Variants in STOX2 observed in about 807,000 individuals in gnomAD.
The protein encoded by STOX2 is storkhead box 2, also known as storkhead-box protein 2.
Under a neutral mutation model 60.9 loss-of-function variants are expected in STOX2, and 28 were observed. The observed-to-expected ratio is 0.46, with a 90% CI of 0.34 to 0.63. The LOEUF is 0.63. Ranked by LOEUF, STOX2 falls within the 30% of genes least tolerant of loss-of-function variation. The pLI is 0.01. For missense variants in STOX2, 1,024 were observed against 1,187.7 expected (o/e 0.86, Z 2.03); for synonymous variants, 472 against 463.9 (o/e 1.02, Z -0.22).
At chr4:183,967,230 T>C (rs1298560813) in intron 1 of STOX2, among the ~76,000 whole-genome samples, 1 of 151,854 alleles carries the variant, frequency 6.6e-6, no homozygotes, top group Non-Finnish European at 1.5e-5. Flanking sequence ...GGTGTGGTGG[T>C]GCATGCCTGT....
intron 1 of STOX2, among the ~76,000 whole-genome samples, chr4:183,999,381 A>G (rs1022651691): frequency 6.6e-6 from 1 of 152,198 alleles, no homozygotes; most frequent in African/African-American, 2.4e-5. Context: ...CCTATGACCC[A>G]TAGGCCCCAG....
Position 183,906,643 on chromosome 4 carries a change from C to G in STOX2, c.-148C>G, listed in dbSNP as rs1172780747. 2.3e-6 allele frequency: 2 copies of G among 888,592 alleles called. No homozygotes were observed. The highest frequency in any genetic ancestry group is 1.9e-5 in the South Asian group (1 of 53,988). 55.0% of individuals were successfully genotyped at this position (888,592 alleles called of 1,614,324 possible). A position where few individuals can be genotyped will look rare whatever the true frequency, so the allele number is the denominator to read the frequency against. Reference sequence around the variant, plus strand: ...GGGGCGTGGGGAGGGCCGGACCCGCCGCTGGCGGTGTAGACGCCGACGAGG... The same window carrying G: ...GGGGCGTGGGGAGGGCCGGACCCGCGGCTGGCGGTGTAGACGCCGACGAGG... On this transcript the variant is annotated 5_prime_UTR_variant, in exon 1 of 4. Transcript: ENST00000308497.
chr4:183,878,605 G>C (rs1005915717), intron 1 of STOX2, among the ~76,000 whole-genome samples: 1 of 152,146 alleles, frequency 6.6e-6, no homozygotes, highest in African/African-American at 2.4e-5. Context: ...AATCTAAAAA[G>C]CATGTTCATT....
At chr4:183,800,370 C>A (rs28697891) in intron 1 of STOX2, among the ~76,000 whole-genome samples, 3,978 of 152,234 alleles carry the variant, frequency 0.026, 150 homozygotes, top group African/African-American at 0.084. Flanking sequence ...CTCTGAAAAG[C>A]GTGATGTTAT....
intron 1 of STOX2, among the ~76,000 whole-genome samples, chr4:183,802,995 T>A (rs1281205097): frequency 6.6e-6 from 1 of 152,190 alleles, no homozygotes; most frequent in Non-Finnish European, 1.5e-5. Context: ...AGAAGTTTAA[T>A]GGAGAACTCA....
chr4:183,843,644 A>C (rs987507598), intron 1 of STOX2, among the ~76,000 whole-genome samples: 6 of 152,252 alleles, frequency 3.9e-5, no homozygotes, highest in African/African-American at 1.4e-4. Context: ...AGCTCTGTGC[A>C]TGCCAAAATT....
chr4:183,998,488 C>T (rs1025565751), intron 1 of STOX2, among the ~76,000 whole-genome samples: 2 of 152,206 alleles, frequency 1.3e-5, no homozygotes, highest in African/African-American at 2.4e-5. Flanking sequence ...AACTTCCCAA[C>T]TCCCACCTCT....
intron 1 of STOX2, among the ~76,000 whole-genome samples, chr4:183,964,807 C>T (rs991907004): frequency 6.6e-6 from 1 of 152,172 alleles, no homozygotes; most frequent in African/African-American, 2.4e-5. Flanking sequence ...TGGTCTCAAA[C>T]TCCCGACCCT....
At chr4:183,885,679 T>A (rs918530376) in intron 1 of STOX2, among the ~76,000 whole-genome samples, 17 of 152,336 alleles carry the variant, frequency 1.1e-4, no homozygotes, top group Admixed American at 1.1e-3. Flanking sequence ...CGATAGTCCA[T>A]TCATCCAAGG....
chr4:183,826,754 A>G (rs891114641), intron 1 of STOX2, among the ~76,000 whole-genome samples: 1 of 152,220 alleles, frequency 6.6e-6, no homozygotes, highest in African/African-American at 2.4e-5. Context: ...ATGTGTTTGG[A>G]CAAATGCTAT....
chr4:183,964,862 G>A (rs1743517211), intron 1 of STOX2, among the ~76,000 whole-genome samples: 1 of 152,230 alleles, frequency 6.6e-6, no homozygotes, highest in Non-Finnish European at 1.5e-5. Flanking sequence ...GGGATTACAG[G>A]CATGAGCCAC....
intron 1 of STOX2, among the ~76,000 whole-genome samples, chr4:183,845,820 T>C (rs147116762): frequency 2.4e-4 from 36 of 152,354 alleles, no homozygotes; most frequent in African/African-American, 7.5e-4. Flanking sequence ...GTTTTAAATC[T>C]TACAGAAAAA....
chr4:183,878,257 G>T (rs755639867), intron 1 of STOX2, among the ~76,000 whole-genome samples: 1 of 152,098 alleles, frequency 6.6e-6, no homozygotes, highest in Non-Finnish European at 1.5e-5. Context: ...GAACCTGCCT[G>T]GTAAAGGTGC....
In STOX2 at chr4:184,019,623, T is replaced by C. The variant is rs1029726354; in HGVS notation, c.*2339T>C. On this transcript the variant is annotated 3_prime_UTR_variant, in exon 4 of 4. Transcript: ENST00000308497. ...CAAGATATAGGTTTACAGAAGACAT[T>C]ATTCAAATAAATATGTACACTATTT... The C allele has an allele frequency of 6.6e-6, 1 of 152,242 alleles. No homozygotes were observed. Among genetic ancestry groups the C allele is most frequent in the African/African-American group, 2.4e-5 (1 of 41,472 alleles). The allele number at this position is 152,242 out of a possible 1,614,324, so 9.4% of individuals were successfully genotyped here.
In STOX2 at chr4:184,019,373, A is replaced by T. The variant is rs1240521771; in HGVS notation, c.*2089A>T. ...AGTTGGTTCCCTTGGGGAGTTATAT[A>T]TCATACAGTTACTAAATATTTGTCT... On this transcript the variant is annotated 3_prime_UTR_variant, in exon 4 of 4. Transcript: ENST00000308497. 1 of 152,200 alleles carries T rather than the reference A, an allele frequency of 6.6e-6. No homozygotes were observed. The highest frequency in any genetic ancestry group is 1.5e-5 in the Non-Finnish European group (1 of 68,022). 9.4% of individuals were successfully genotyped at this position (152,200 alleles called of 1,614,324 possible).
upstream of STOX2, among the ~76,000 whole-genome samples, chr4:183,902,538 G>C (rs575475474): frequency 6.6e-6 from 1 of 152,136 alleles, no homozygotes; most frequent in Non-Finnish European, 1.5e-5. Context: ...CATGACCCAG[G>C]TACATGATTG....
At chr4:183,978,976 A>G (rs898242072) in intron 1 of STOX2, among the ~76,000 whole-genome samples, 10 of 152,222 alleles carry the variant, frequency 6.6e-5, no homozygotes, top group Non-Finnish European at 8.8e-5. Flanking sequence ...TATGTTAAAA[A>G]TATGAGTTTT....
chr4:183,921,133 G>A (rs1400379631), intron 1 of STOX2, among the ~76,000 whole-genome samples: 1 of 152,168 alleles, frequency 6.6e-6, no homozygotes, highest in Non-Finnish European at 1.5e-5. Context: ...AGGATAGCAG[G>A]AGGCTAGGAT....
intron 3 of STOX2, among the ~76,000 whole-genome samples, chr4:184,013,549 C>G (rs576763411): frequency 1.3e-5 from 2 of 152,316 alleles, no homozygotes; most frequent in South Asian, 2.1e-4. Flanking sequence ...GTTAGAGAAT[C>G]TACAGAACAA....
Sources: gnomAD v4.1 joint callset for allele counts (sites outside exome capture counted in the v4.1 genomes callset) on GRCh38, gnomAD v4.1.1 for gene constraint, MANE v1.5 for transcripts, NCBI Gene and HGNC (gene_info 2026-07-23, HGNC 2026-07-21) for gene names.